Variants in PAM observed in about 807,000 individuals in gnomAD.
The protein encoded by PAM is peptidylglycine alpha-amidating monooxygenase, also known as peptidyl-glycine alpha-amidating monooxygenase.
A neutral mutation model predicts 122.1 loss-of-function variants in PAM; 72 were observed. The ratio of observed to expected loss-of-function variants is 0.59; its 90% CI spans 0.49 to 0.72. The LOEUF (loss-of-function observed/expected upper bound fraction) is 0.72, where lower values mean the gene tolerates loss of function less well. Ranked by LOEUF, PAM falls within the 30% of genes least tolerant of loss-of-function variation. PAM has a pLI of 0.00. For synonymous variants in PAM, 389 were observed against 404.4 expected, an observed-to-expected ratio of 0.96 and a Z score of 0.46; for missense variants, 1,106 against 1,183.7, an observed-to-expected ratio of 0.93 and a Z score of 0.96.
intron 1 of PAM, among the ~76,000 whole-genome samples, chr5:102,843,028 C>T (rs1022070213): frequency 1.3e-5 from 2 of 152,126 alleles, no homozygotes; most frequent in Non-Finnish European, 2.9e-5. Flanking sequence ...AGCAAGTCAG[C>T]CCACTAGGTG....
chr5:102,952,925 C>T (rs1435620385), intron 12 of PAM, among the ~76,000 whole-genome samples: 6 of 152,096 alleles, frequency 3.9e-5, no homozygotes, highest in South Asian at 2.1e-4. Flanking sequence ...ATTTGAGCCC[C>T]GAGCGTGAAG....
chr5:102,962,494 T>C (rs777250641), intron 14 of PAM, among the ~76,000 whole-genome samples: 20 of 151,818 alleles, frequency 1.3e-4, no homozygotes, highest in Non-Finnish European at 2.2e-4. Flanking sequence ...TTAAAATAAT[T>C]TTGTCTTAGA....
chr5:102,868,505 A>G (rs963169155), intron 3 of PAM, among the ~76,000 whole-genome samples: 3 of 152,158 alleles, frequency 2.0e-5, no homozygotes, highest in Non-Finnish European at 2.9e-5. Flanking sequence ...CCATGCATTC[A>G]GTTGTTACTG....
chr5:102,957,173 A>G (rs940420330), intron 12 of PAM, among the ~76,000 whole-genome samples: 4 of 152,174 alleles, frequency 2.6e-5, no homozygotes, highest in Non-Finnish European at 5.9e-5. Flanking sequence ...ATATCTATGT[A>G]TATTCATTTG....
intron 25 of PAM, 144 bp from the exon 26 acceptor site, chr5:103,028,743 C>CT: frequency 1.7e-6 from 1 of 598,214 alleles, no homozygotes; most frequent in African/African-American, 1.9e-5. Context: ...GGATACGTCT[C>CT]TGTCTGTTTT....
At chr5:102,774,467 T>C (rs1032039236) in intron 1 of PAM, among the ~76,000 whole-genome samples, 6 of 152,044 alleles carry the variant, frequency 3.9e-5, no homozygotes, top group African/African-American at 1.4e-4. Flanking sequence ...ATATGGAAAA[T>C]AGCAGAAAAT....
chr5:102,943,372 T>C (rs903952310), intron 7 of PAM, among the ~76,000 whole-genome samples: 1 of 152,106 alleles, frequency 6.6e-6, no homozygotes, highest in African/African-American at 2.4e-5. Context: ...GCAAGCTAAA[T>C]AGTTTGGGAT....
intron 23 of PAM, among the ~76,000 whole-genome samples, chr5:103,021,185 A>G (rs1002093356): frequency 9.9e-5 from 15 of 152,188 alleles, no homozygotes; most frequent in Admixed American, 9.2e-4. Flanking sequence ...CTACTAAGAT[A>G]GTACATTTTA....
intron 1 of PAM, among the ~76,000 whole-genome samples, chr5:102,813,824 G>T (rs1768719435): frequency 6.6e-6 from 1 of 152,144 alleles, no homozygotes; most frequent in East Asian, 1.9e-4. Context: ...GTGACCTGGG[G>T]CAAATAGGGA....
intron 14 of PAM, 38 bp from the exon 15 acceptor site, chr5:102,974,078 T>C: frequency 6.9e-7 from 1 of 1,449,070 alleles, no homozygotes; most frequent in Non-Finnish European, 9.5e-7. Context: ...CAATCTTATC[T>C]ACCCTCCACG....
At position 102,974,383 on chromosome 5, in the gene PAM, C is replaced by T; in HGVS notation, c.1430C>T (p.Ser477Leu). The change falls in exon 15 of 26, where the codon TCA (serine) becomes TTA (leucine). Residue 477 changes from serine to leucine, a missense_variant. Physicochemically the swap from Ser to Leu is moderately radical, Grantham distance 145. This residue lies in a region of PAM where 670 missense variants were observed against 690.3 expected (regional missense o/e 0.97). Coordinates refer to ENST00000438793, the MANE Select transcript of PAM (RefSeq NM_001177306.2). ...AGGCCACCAGAGAGCAGAGTTTTCT[C>T]ATTACAGCAGCCCCCACCTGGTGAA... Reference protein sequence around the residue: ...TLRPPESRVFSLQQPPPGEGT... With the variant: ...TLRPPESRVFLLQQPPPGEGT... 6.2e-7 allele frequency: 1 copy of T among 1,614,008 alleles called. No homozygotes were observed. The highest frequency in any genetic ancestry group is 8.5e-7 in the Non-Finnish European group (1 of 1,179,922).
At chr5:102,939,921 A>G (rs1024521969) in intron 7 of PAM, among the ~76,000 whole-genome samples, 2 of 151,944 alleles carry the variant, frequency 1.3e-5, no homozygotes, top group Non-Finnish European at 2.9e-5. Context: ...ATTCTTATTA[A>G]ATTATAGCTT....
Position 102,974,558 on chromosome 5 carries a change from GA to G in PAM, c.1483+129del, listed in dbSNP as rs906761934. On this transcript the variant is annotated intron_variant, in intron 15 of 25. Transcript: ENST00000438793. ...CATCAATGAAAAGGACTTATCATTA[GA>G]AAAAAATTACTCAGATTTGGGCTAT... The G allele has an allele frequency of 4.1e-5, 26 of 636,142 alleles. No individual in the cohort carries two copies. In the Admixed American group the frequency reaches 5.1e-4, roughly 12 times the overall value. The allele number at this position is 636,142 out of a possible 1,614,324, so 39.4% of individuals were successfully genotyped here. A position where few individuals can be genotyped will look rare whatever the true frequency, so the allele number is the denominator to read the frequency against.
At chr5:102,828,786 G>C (rs1258817220) in intron 1 of PAM, among the ~76,000 whole-genome samples, 1 of 152,120 alleles carries the variant, frequency 6.6e-6, no homozygotes, top group Non-Finnish European at 1.5e-5. Flanking sequence ...TTGTTGGCTT[G>C]TTTACTTTTT....
intron 7 of PAM, among the ~76,000 whole-genome samples, chr5:102,941,628 G>A (rs1755250501): frequency 6.6e-6 from 1 of 151,926 alleles, no homozygotes; most frequent in South Asian, 2.1e-4. Flanking sequence ...TCTGTAACTG[G>A]AGAGTCCTCA....
intron 1 of PAM, among the ~76,000 whole-genome samples, chr5:102,786,541 G>A (rs1760599093): frequency 6.6e-6 from 1 of 152,018 alleles, no homozygotes; most frequent in African/African-American, 2.4e-5. Context: ...GAACATCAAA[G>A]GGAATGATTA....
At chr5:103,019,921 TA>T (rs1211327329) in intron 23 of PAM, 78 bp downstream of exon 23, 13 of 864,098 alleles carry the variant, frequency 1.5e-5, no homozygotes, top group Non-Finnish European at 2.6e-5. Context: ...GATTGCAACT[TA>T]AAAAATTACC....
chr5:102,889,556 A>G (rs1340390005), intron 3 of PAM, among the ~76,000 whole-genome samples: 3 of 150,232 alleles, frequency 2.0e-5, no homozygotes, highest in African/African-American at 7.3e-5. Flanking sequence ...TGCCCCCTTT[A>G]TTTGTGTCTT....
At chr5:102,955,898 A>C (rs755593568) in intron 12 of PAM, among the ~76,000 whole-genome samples, 1 of 152,118 alleles carries the variant, frequency 6.6e-6, no homozygotes, top group Non-Finnish European at 1.5e-5. Flanking sequence ...TTTTTGAATG[A>C]AAGGTGAATG....
Sources: gnomAD v4.1 joint callset for allele counts (sites outside exome capture counted in the v4.1 genomes callset) on GRCh38, gnomAD v4.1.1 for gene constraint, gnomAD v4.1.1 regional missense constraint, MANE v1.5 for transcripts, NCBI Gene and HGNC (gene_info 2026-07-23, HGNC 2026-07-21) for gene names.